RERE: variants seen among roughly 807,000 people sequenced by gnomAD.
RERE encodes the protein arginine-glutamic acid dipeptide repeats protein.
Under a neutral mutation model 146.1 loss-of-function variants are expected in RERE, and 40 were observed. The observed-to-expected ratio is 0.27, with a 90% CI of 0.21 to 0.36. The LOEUF is 0.36. RERE is among the 10% of genes least tolerant of loss of function. The probability of loss-of-function intolerance (pLI) is 1.00; values close to 1 mark genes in which losing one functional copy is unlikely to be tolerated. For synonymous variants in RERE, 1,003 were observed against 866.0 expected, an observed-to-expected ratio of 1.16 and a Z score of -2.78; for missense variants, 1,933 against 2,138.7, an observed-to-expected ratio of 0.90 and a Z score of 1.90.
At chr1:8,743,800 C>G (rs1640364689) in intron 1 of RERE, among the ~76,000 whole-genome samples, 1 of 152,094 alleles carries the variant, frequency 6.6e-6, no homozygotes, top group Non-Finnish European at 1.5e-5. Context: ...TTAGGCCCAC[C>G]ATGACCACTT....
chr1:8,522,814 A>G (rs1378358417), intron 7 of RERE, among the ~76,000 whole-genome samples: 1 of 152,062 alleles, frequency 6.6e-6, no homozygotes, highest in East Asian at 1.9e-4. Context: ...CGGAGGTTGC[A>G]GTGAGCTGAG....
intron 4 of RERE, among the ~76,000 whole-genome samples, chr1:8,559,196 C>T (rs113298355): frequency 0.011 from 1,539 of 142,520 alleles, 12 homozygotes; most frequent in Non-Finnish European, 0.014. Context: ...AGGAGAATTG[C>T]TTGAACCTGG....
At chr1:8,488,448 G>A (rs1226893123) in intron 10 of RERE, among the ~76,000 whole-genome samples, 4 of 152,084 alleles carry the variant, frequency 2.6e-5, no homozygotes, top group Admixed American at 2.6e-4. Flanking sequence ...GTTTCACCAT[G>A]TTGGCCAGGC....
intron 2 of RERE, among the ~76,000 whole-genome samples, chr1:8,631,570 C>T (rs900054420): frequency 6.6e-6 from 1 of 152,190 alleles, no homozygotes; most frequent in Non-Finnish European, 1.5e-5. Context: ...ATTAGTTATA[C>T]TGATATGCTA....
intron 1 of RERE, among the ~76,000 whole-genome samples, chr1:8,743,261 AG>A (rs1251746489): frequency 6.6e-6 from 1 of 151,884 alleles, no homozygotes; most frequent in East Asian, 1.9e-4. Flanking sequence ...AGCCAGGTAC[AG>A]GGGCGCGTGC....
chr1:8,758,444 T>G (rs1197806526), intron 1 of RERE, among the ~76,000 whole-genome samples: 1 of 149,730 alleles, frequency 6.7e-6, no homozygotes, highest in Non-Finnish European at 1.5e-5. Flanking sequence ...CAAGCTGGAG[T>G]GCAGCGGCAC....
At chr1:8,663,439 A>T (rs112715960) in intron 1 of RERE, among the ~76,000 whole-genome samples, 1 of 152,164 alleles carries the variant, frequency 6.6e-6, no homozygotes, top group South Asian at 2.1e-4. Flanking sequence ...TACCAGACAC[A>T]TCCTGAACAC....
At chr1:8,563,551 A>G (rs1188864294) in intron 4 of RERE, among the ~76,000 whole-genome samples, 1 of 152,260 alleles carries the variant, frequency 6.6e-6, no homozygotes, top group Non-Finnish European at 1.5e-5. Context: ...CAAATGTGAC[A>G]GAGATATCAA....
chr1:8,366,233 T>C (rs1182024683), intron 12 of RERE, among the ~76,000 whole-genome samples: 2 of 152,234 alleles, frequency 1.3e-5, no homozygotes, highest in African/African-American at 4.8e-5. Context: ...AAGTACTTGT[T>C]GGGTGTCTGC....
intron 4 of RERE, among the ~76,000 whole-genome samples, chr1:8,601,017 C>CTTTTTTTTTT (rs34455445): frequency 2.1e-5 from 2 of 95,072 alleles, no homozygotes; most frequent in Admixed American, 1.4e-4. Flanking sequence ...GTCTCCCAAA[C>CTTTTTTTTTT]TTTTTTTTTT....
chr1:8,545,321 G>A (rs1053180664), intron 6 of RERE, among the ~76,000 whole-genome samples: 6 of 152,150 alleles, frequency 3.9e-5, no homozygotes, highest in Admixed American at 6.5e-5. Context: ...TAATCCTTCC[G>A]AGTGGGGCGG....
chr1:8,406,952 A>C (rs1177324560), intron 12 of RERE, among the ~76,000 whole-genome samples: 1 of 152,154 alleles, frequency 6.6e-6, no homozygotes, highest in Non-Finnish European at 1.5e-5. Flanking sequence ...CTCCACAACA[A>C]AACACCCGAC....
chr1:8,558,864 C>T (rs1285177435), intron 4 of RERE, among the ~76,000 whole-genome samples: 16 of 148,094 alleles, frequency 1.1e-4, no homozygotes, highest in African/African-American at 2.7e-4. Flanking sequence ...GGCGTGATCT[C>T]GGCTCACTGC....
chr1:8,694,885 C>G (rs1639288620), intron 1 of RERE, among the ~76,000 whole-genome samples: 1 of 144,262 alleles, frequency 6.9e-6, no homozygotes, highest in Non-Finnish European at 1.5e-5. Context: ...TATCAAACTA[C>G]TAATGTCATT....
intron 1 of RERE, among the ~76,000 whole-genome samples, chr1:8,764,573 C>T (rs1048343958): frequency 1.3e-5 from 2 of 152,024 alleles, no homozygotes; most frequent in Non-Finnish European, 2.9e-5. Flanking sequence ...TGCAAACAGC[C>T]GGGGTTCAAG....
intron 1 of RERE, chr1:8,786,695 A>T: frequency 1.3e-6 from 1 of 787,018 alleles, no homozygotes; most frequent in Non-Finnish European, 2.3e-6. Flanking sequence ...GCAGGTACAC[A>T]GAAGTTGCCA....
intron 1 of RERE, among the ~76,000 whole-genome samples, chr1:8,811,691 C>G (rs1641814020): frequency 6.6e-6 from 1 of 152,218 alleles, no homozygotes; most frequent in Non-Finnish European, 1.5e-5. Flanking sequence ...TAAGTGTGTG[C>G]ATGGCTGCGT....
chr1:8,574,506 G>A (rs867982654), intron 4 of RERE, among the ~76,000 whole-genome samples: 3 of 151,648 alleles, frequency 2.0e-5, no homozygotes, highest in Non-Finnish European at 2.9e-5. Flanking sequence ...CACCACGCCC[G>A]GCTAATATAT....
At chr1:8,654,408 A>G (rs994155799) in intron 2 of RERE, among the ~76,000 whole-genome samples, 9 of 152,212 alleles carry the variant, frequency 5.9e-5, no homozygotes, top group Non-Finnish European at 1.2e-4. Context: ...CGTGAAGTTC[A>G]TAACAGTAAC....
Sources: allele counts gnomAD v4.1 joint callset (sites outside exome capture counted in the v4.1 genomes callset), GRCh38; gene constraint gnomAD v4.1.1; transcripts MANE v1.5; gene names NCBI Gene and HGNC (gene_info 2026-07-23, HGNC 2026-07-21).